ST7: variants seen among roughly 807,000 people sequenced by gnomAD.
The protein encoded by ST7 is suppression of tumorigenicity 7.
A neutral mutation model predicts 78.7 loss-of-function variants in ST7; 28 were observed. The observed-to-expected ratio is 0.36, with a 90% CI of 0.26 to 0.49. ST7 has a LOEUF of 0.49. Among genes scored for constraint, ST7 ranks in the 20% least tolerant of loss-of-function variants. ST7 has a pLI of 0.99. For missense variants in ST7, 418 were observed against 696.0 expected, an observed-to-expected ratio of 0.60 and a Z score of 4.49; for synonymous variants, 247 against 249.6, an observed-to-expected ratio of 0.99 and a Z score of 0.10.
chr7:117,090,519 C>G (rs1361234754), intron 1 of ST7, among the ~76,000 whole-genome samples: 1 of 152,004 alleles, frequency 6.6e-6, no homozygotes, highest in Non-Finnish European at 1.5e-5. Flanking sequence ...GAAGAGGTTC[C>G]CAGAGCCTGG....
intron 1 of ST7, among the ~76,000 whole-genome samples, chr7:116,987,613 CT>C (rs1258153362): frequency 6.6e-6 from 1 of 152,222 alleles, no homozygotes; most frequent in African/African-American, 2.4e-5. Context: ...AATTTCTGAC[CT>C]TTTTATTGGC....
At position 117,037,651 on chromosome 7, in the gene ST7, T is replaced by A. The variant is rs116390336; in HGVS notation, c.152-62111T>A. On this transcript the variant is annotated intron_variant, in intron 1 of 15. Coordinates refer to ENST00000323984, the MANE Select transcript of ST7 (RefSeq NM_001369598.1). ...TCTATTGTTCTCGTGTTCCCCAAGG[T>A]CTTTTACTGCTAGCCTATGCTTCTG... Among the ~76,000 whole-genome samples the A allele has an allele frequency of 4.5e-3, 679 of 152,340 alleles. 4 individuals carry two copies. The highest frequency in any genetic ancestry group is 0.015 in the African/African-American group (639 of 41,576).
At chr7:117,124,239 CAAT>C (rs1366487866) in intron 3 of ST7, among the ~76,000 whole-genome samples, 1 of 151,998 alleles carries the variant, frequency 6.6e-6, no homozygotes, top group Non-Finnish European at 1.5e-5. Context: ...CATTTGGTTC[CAAT>C]AATAATAACT....
At chr7:116,970,822 T>A (rs1793380106) in intron 1 of ST7, among the ~76,000 whole-genome samples, 1 of 152,228 alleles carries the variant, frequency 6.6e-6, no homozygotes, top group Non-Finnish European at 1.5e-5. Flanking sequence ...TCAAAGGTAG[T>A]GTTCTATATC....
At chr7:117,097,187 C>A (rs770302875) in intron 1 of ST7, among the ~76,000 whole-genome samples, 3 of 152,026 alleles carry the variant, frequency 2.0e-5, no homozygotes, top group African/African-American at 4.8e-5. Flanking sequence ...TAAAGCACTT[C>A]TAATTTAGAC....
At chr7:117,027,758 T>C (rs1335651704) in intron 1 of ST7, among the ~76,000 whole-genome samples, 2 of 152,116 alleles carry the variant, frequency 1.3e-5, no homozygotes, top group Non-Finnish European at 2.9e-5. Flanking sequence ...CCAGTCTGTG[T>C]CACATTATGG....
intron 10 of ST7, among the ~76,000 whole-genome samples, chr7:117,176,091 A>G (rs1245546744): frequency 6.6e-6 from 1 of 152,202 alleles, no homozygotes; most frequent in African/African-American, 2.4e-5. Flanking sequence ...TTGGGTTCAT[A>G]GCAACTTCAG....
At chr7:117,031,848 ATATCTATATCTATC>A (rs1796602314) in intron 1 of ST7, among the ~76,000 whole-genome samples, 1 of 20,558 alleles carries the variant, frequency 4.9e-5, no homozygotes, top group African/African-American at 1.5e-4. Context: ...ATCTATATCT[ATATCTATATCTATC>A]TATCTATCTA....
chr7:117,053,109 TTTG>T lies in ST7; in HGVS notation c.152-46647_152-46645del, dbSNP rs869039634. Among the ~76,000 whole-genome samples, 4 of 127,180 alleles carry T rather than the reference TTTG, an allele frequency of 3.1e-5. No homozygotes were observed. The South Asian group carries it at 9.1e-4, about 29-fold the overall frequency. 83.4% of individuals were successfully genotyped at this position (127,180 alleles called of 152,430 possible). ...TTCCTGTTGTTGAGCATTTAAGTTGTTTGTTGTTCTTCGTAGAGAAATTTTAAA... is the reference window on the plus strand; with the variant it reads ...TTCCTGTTGTTGAGCATTTAAGTTGTTTGTTCTTCGTAGAGAAATTTTAAA... On this transcript the variant is annotated intron_variant, in intron 1 of 15. Coordinates refer to ENST00000323984, the MANE Select transcript of ST7 (RefSeq NM_001369598.1).
chr7:117,082,235 A>C (rs1184070067), intron 1 of ST7, among the ~76,000 whole-genome samples: 1 of 152,186 alleles, frequency 6.6e-6, no homozygotes, highest in Non-Finnish European at 1.5e-5. Flanking sequence ...ACCCAAGTTG[A>C]CACACAAAAT....
chr7:117,196,624 C>CTTTTTTTTTTTTTTTTTTTTTTT (rs56133709), intron 12 of ST7, among the ~76,000 whole-genome samples: 1 of 59,504 alleles, frequency 1.7e-5, no homozygotes, highest in African/African-American at 6.5e-5. Context: ...GATTGTTGGG[C>CTTTTTTTTTTTTTTTTTTTTTTT]TTTTTTTTTT....
chr7:117,229,641 G>C, intron 15 of ST7, 121 bp from the exon 16 acceptor site: 1 of 762,632 alleles, frequency 1.3e-6, no homozygotes, highest in Admixed American at 2.3e-5. Context: ...AAGATGAAAT[G>C]GTTGCCTTTT....
At chr7:116,993,644 T>A (rs34070870) in intron 1 of ST7, among the ~76,000 whole-genome samples, 7,364 of 152,340 alleles carry the variant, frequency 0.048, 593 homozygotes, top group African/African-American at 0.17. Flanking sequence ...GAAACTTCAG[T>A]GTTTGGCATG....
At chr7:117,162,679 A>G (rs745602575) in intron 9 of ST7, among the ~76,000 whole-genome samples, 9 of 151,724 alleles carry the variant, frequency 5.9e-5, no homozygotes, top group Non-Finnish European at 2.9e-5. Context: ...TGTGTAAGAG[A>G]TGTTATGTTT....
At chr7:117,013,718 C>T (rs1027014527) in intron 1 of ST7, among the ~76,000 whole-genome samples, 1 of 152,098 alleles carries the variant, frequency 6.6e-6, no homozygotes, top group African/African-American at 2.4e-5. Flanking sequence ...GTCCCAGCTA[C>T]TCTATTCAGG....
At chr7:117,108,285 T>G (rs1802140830) in intron 2 of ST7, among the ~76,000 whole-genome samples, 1 of 152,174 alleles carries the variant, frequency 6.6e-6, no homozygotes, top group Non-Finnish European at 1.5e-5. Flanking sequence ...GCGATGAGGA[T>G]CTAGTTTCAT....
In ST7 at chr7:117,136,515, C is replaced by T. The variant is rs913204332; in HGVS notation, c.865+280C>T. ...CCTTTAATAGTAACCTTTTTTCCTC[C>T]TGAGTTCTTACATATTTCTGTTCAT... On this transcript the variant is annotated intron_variant, in intron 8 of 15. Coordinates refer to ENST00000323984, the MANE Select transcript of ST7 (RefSeq NM_001369598.1). The T allele has an allele frequency of 3.0e-5, 17 of 560,750 alleles. No individual in the cohort carries two copies. The South Asian group carries it at 3.8e-4, about 13-fold the overall frequency. The allele number at this position is 560,750 out of a possible 1,614,324, so 34.7% of individuals were successfully genotyped here.
intron 12 of ST7, among the ~76,000 whole-genome samples, chr7:117,192,590 T>G (rs1042611465): frequency 1.1e-4 from 16 of 152,216 alleles, no homozygotes; most frequent in African/African-American, 3.9e-4. Context: ...TTGATAATTA[T>G]TAAGAATTTT....
At chr7:116,966,243 C>CTTTTT in intron 1 of ST7, 1 of 178,082 alleles carries the variant, frequency 5.6e-6, no homozygotes. Context: ...TTTCTTTTTT[C>CTTTTT]TTTCTTTTTT....
Sources: allele counts gnomAD v4.1 joint callset (sites outside exome capture counted in the v4.1 genomes callset), GRCh38; gene constraint gnomAD v4.1.1; transcripts MANE v1.5; gene names NCBI Gene and HGNC (gene_info 2026-07-23, HGNC 2026-07-21).